Variants in RIMS2 observed in about 807,000 individuals in gnomAD.
The protein encoded by RIMS2 is regulating synaptic membrane exocytosis protein 2.
In RIMS2, 59 loss-of-function variants were observed where a neutral mutation model predicts 174.4. The observed-to-expected ratio is 0.34, with a 90% CI of 0.27 to 0.42. RIMS2 has a LOEUF of 0.42. Among genes scored for constraint, RIMS2 ranks in the 10% least tolerant of loss-of-function variants. RIMS2 has a pLI of 1.00. For missense variants in RIMS2, 1,620 were observed against 1,666.3 expected, an observed-to-expected ratio of 0.97 and a Z score of 0.48; for synonymous variants, 606 against 572.5, an observed-to-expected ratio of 1.06 and a Z score of -0.84.
Position 103,898,501 on chromosome 8 carries a change from G to T in RIMS2, c.1625-11633G>T, listed in dbSNP as rs968573083. ...ATCTGGCATGTTAACCTGAGATGGG[G>T]CTACTACTTGATTGAGTTTATAGTA... On this transcript the variant is annotated intron_variant, in intron 4 of 23. Transcript: ENST00000504942. 5.9e-5 allele frequency among the ~76,000 whole-genome samples: 9 copies of T among 151,554 alleles called. 1 individual carries two copies. The highest frequency in any genetic ancestry group is 2.0e-4 in the African/African-American group (8 of 40,942).
At chr8:104,227,141 C>T (rs2099192769) in intron 19 of RIMS2, among the ~76,000 whole-genome samples, 1 of 151,348 alleles carries the variant, frequency 6.6e-6, no homozygotes, top group Non-Finnish European at 1.5e-5. Flanking sequence ...ATGAAAGGGA[C>T]ATTCCCATAA....
At chr8:103,923,782 A>G (rs2078190074) in intron 10 of RIMS2, among the ~76,000 whole-genome samples, 1 of 151,800 alleles carries the variant, frequency 6.6e-6, no homozygotes, top group East Asian at 1.9e-4. Context: ...AATATACTGC[A>G]TATTTATTGT....
At chr8:104,201,048 G>A (rs2099052172) in intron 19 of RIMS2, among the ~76,000 whole-genome samples, 2 of 152,098 alleles carry the variant, frequency 1.3e-5, no homozygotes, top group African/African-American at 4.8e-5. Flanking sequence ...TGCATCACTG[G>A]GGTTTGGTGT....
chr8:103,530,816 G>T (rs1836695896), intron 1 of RIMS2, among the ~76,000 whole-genome samples: 1 of 151,854 alleles, frequency 6.6e-6, no homozygotes, highest in South Asian at 2.1e-4. Context: ...ACAGATCTAT[G>T]GTGTTAGAAA....
intron 19 of RIMS2, among the ~76,000 whole-genome samples, chr8:104,061,665 T>A (rs1598019915): frequency 6.6e-6 from 1 of 150,546 alleles, no homozygotes; most frequent in Non-Finnish European, 1.5e-5. Flanking sequence ...TGTTCTAAGC[T>A]ATGCTACTAT....
At chr8:103,932,613 C>G (rs2080226335) in intron 12 of RIMS2, among the ~76,000 whole-genome samples, 1 of 152,186 alleles carries the variant, frequency 6.6e-6, no homozygotes, top group South Asian at 2.1e-4. Flanking sequence ...GTGCACATTA[C>G]TTAAGTTTCT....
intron 2 of RIMS2, among the ~76,000 whole-genome samples, chr8:103,709,949 T>C (rs1048024285): frequency 6.6e-6 from 1 of 152,188 alleles, no homozygotes; most frequent in Non-Finnish European, 1.5e-5. Context: ...AAGGAAGACA[T>C]CCCTGGATTT....
intron 19 of RIMS2, among the ~76,000 whole-genome samples, chr8:104,234,950 G>T (rs1029393905): frequency 2.6e-5 from 4 of 152,110 alleles, no homozygotes; most frequent in Admixed American, 1.3e-4. Context: ...CCAATTTTTC[G>T]TGTGGGTTGG....
intron 3 of RIMS2, among the ~76,000 whole-genome samples, chr8:103,769,972 C>A (rs2098231439): frequency 6.6e-6 from 1 of 152,258 alleles, no homozygotes; most frequent in South Asian, 2.1e-4. Context: ...GAAAATGGAA[C>A]TCATTGTAAT....
intron 19 of RIMS2, among the ~76,000 whole-genome samples, chr8:104,075,375 A>G (rs1598301169): frequency 2.0e-5 from 3 of 152,230 alleles, no homozygotes; most frequent in African/African-American, 7.2e-5. Flanking sequence ...TAAGCAATCT[A>G]CTGTTTCATG....
chr8:103,711,738 A>G (rs1440578157), intron 2 of RIMS2, among the ~76,000 whole-genome samples: 1 of 152,026 alleles, frequency 6.6e-6, no homozygotes, highest in African/African-American at 2.4e-5. Flanking sequence ...TCTACCAAAA[A>G]TACAAAAAAT....
chr8:103,509,820 A>G (rs1044564107), intron 1 of RIMS2, among the ~76,000 whole-genome samples: 1 of 152,124 alleles, frequency 6.6e-6, no homozygotes, highest in Admixed American at 6.6e-5. Context: ...TTGGTCAAGA[A>G]CTAACAACTT....
intron 1 of RIMS2, among the ~76,000 whole-genome samples, chr8:103,554,023 TCCTTATA>T (rs1202678768): frequency 6.6e-6 from 1 of 152,138 alleles, no homozygotes; most frequent in Non-Finnish European, 1.5e-5. Flanking sequence ...CTGGACCCCT[TCCTTATA>T]CCTTATACAA....
At chr8:103,680,364 CAT>C (rs1398302694) in intron 1 of RIMS2, among the ~76,000 whole-genome samples, 2 of 151,934 alleles carry the variant, frequency 1.3e-5, no homozygotes, top group Non-Finnish European at 2.9e-5. Context: ...CATCACAGCA[CAT>C]ATAAAAATAA....
intron 1 of RIMS2, among the ~76,000 whole-genome samples, chr8:103,514,921 A>C (rs527350839): frequency 2.0e-4 from 31 of 151,504 alleles, no homozygotes; most frequent in African/African-American, 3.6e-4. Flanking sequence ...ACAACAACAA[A>C]AAAACAAAAA....
At chr8:103,562,891 G>T (rs2091817514) in intron 1 of RIMS2, among the ~76,000 whole-genome samples, 1 of 152,158 alleles carries the variant, frequency 6.6e-6, no homozygotes, top group African/African-American at 2.4e-5. Flanking sequence ...TCAACACCAT[G>T]TGGAAGCTGC....
At chr8:103,543,092 AAAT>A (rs1316336406) in intron 1 of RIMS2, among the ~76,000 whole-genome samples, 2 of 152,192 alleles carry the variant, frequency 1.3e-5, no homozygotes, top group African/African-American at 4.8e-5. Context: ...CTGTATTTGC[AAAT>A]AATATGATCT....
At chr8:103,521,734 A>C (rs1371036349) in intron 1 of RIMS2, among the ~76,000 whole-genome samples, 1 of 151,732 alleles carries the variant, frequency 6.6e-6, no homozygotes, top group Non-Finnish European at 1.5e-5. Context: ...CTAAAGTTGT[A>C]CTCATATCAG....
At chr8:103,573,134 G>A (rs1321715294) in intron 1 of RIMS2, among the ~76,000 whole-genome samples, 1 of 151,880 alleles carries the variant, frequency 6.6e-6, no homozygotes, top group Non-Finnish European at 1.5e-5. Context: ...TCCTGGCTCA[G>A]GTCCTCTGCC....
Sources: gnomAD v4.1 joint callset for allele counts (sites outside exome capture counted in the v4.1 genomes callset) on GRCh38, gnomAD v4.1.1 for gene constraint, MANE v1.5 for transcripts, NCBI Gene and HGNC (gene_info 2026-07-23, HGNC 2026-07-21) for gene names.